The following FAM53B variants were observed in gnomAD, a reference collection of about 807,000 sequenced individuals.
FAM53B encodes protein FAM53B.
Under a neutral mutation model 32.7 loss-of-function variants are expected in FAM53B, and 12 were observed. The ratio of observed to expected loss-of-function variants is 0.37; its 90% CI spans 0.24 to 0.59. The LOEUF (loss-of-function observed/expected upper bound fraction) is 0.59, where lower values mean the gene tolerates loss of function less well. FAM53B is among the 20% of genes least tolerant of loss of function. The pLI, the probability that FAM53B is intolerant of heterozygous loss-of-function variation, is 0.72. For synonymous variants in FAM53B, 234 were observed against 228.7 expected, an observed-to-expected ratio of 1.02 and a Z score of -0.21; for missense variants, 477 against 577.7, an observed-to-expected ratio of 0.83 and a Z score of 1.79.
intron 4 of FAM53B, among the ~76,000 whole-genome samples, chr10:124,653,304 G>A (rs1404952608): frequency 1.4e-4 from 21 of 152,256 alleles, no homozygotes; most frequent in Non-Finnish European, 2.9e-5. Context: ...CAGAAGAGCT[G>A]TGCCTGAGGC....
chr10:124,718,154 A>G (rs1950048121), intron 1 of FAM53B, among the ~76,000 whole-genome samples: 1 of 152,024 alleles, frequency 6.6e-6, no homozygotes, highest in South Asian at 2.1e-4. Context: ...GTCTAAGACT[A>G]TATCACACTG....
intron 4 of FAM53B, among the ~76,000 whole-genome samples, chr10:124,659,800 A>C (rs1221696860): frequency 6.6e-6 from 1 of 152,216 alleles, no homozygotes; most frequent in Non-Finnish European, 1.5e-5. Context: ...GGCCAGAGTC[A>C]ACTTTGCTTT....
At chr10:124,670,191 T>G (rs1031125619) in intron 4 of FAM53B, among the ~76,000 whole-genome samples, 3 of 137,420 alleles carry the variant, frequency 2.2e-5, no homozygotes, top group African/African-American at 7.4e-5. Context: ...CTTGCAGAGG[T>G]GCCTGACTAA....
intron 2 of FAM53B, among the ~76,000 whole-genome samples, chr10:124,696,919 G>A (rs1245856112): frequency 2.6e-5 from 4 of 152,012 alleles, no homozygotes; most frequent in Non-Finnish European, 4.4e-5. Context: ...GATGCCCCCC[G>A]CCTACCCTCA....
At position 124,715,839 on chromosome 10, in the gene FAM53B, C is replaced by T. The variant is rs530560660; in HGVS notation, c.-174-8952G>A. ...TCAGCTATAAGTTAAGGAGGTAACG[C>T]CCTGTAGGTGGGGGCACTACAAAAA... On this transcript the variant is annotated intron_variant, in intron 1 of 4. Transcript: ENST00000337318. Among the ~76,000 whole-genome samples, 5 of 152,332 alleles carry T rather than the reference C, an allele frequency of 3.3e-5. No homozygotes were observed. The East Asian group carries it at 7.7e-4, about 23-fold the overall frequency.
intron 1 of FAM53B, among the ~76,000 whole-genome samples, chr10:124,734,705 A>G (rs1402835345): frequency 6.6e-6 from 1 of 152,198 alleles, no homozygotes; most frequent in Non-Finnish European, 1.5e-5. Context: ...ATGAGTCTTC[A>G]CACTCCATAC....
rs538386803 is a variant in FAM53B, at chr10:124,733,525, GA to G, written c.-175+10487del. 2.6e-4 allele frequency among the ~76,000 whole-genome samples: 38 copies of G among 147,510 alleles called. No individual in the cohort carries two copies. Among genetic ancestry groups the G allele is most frequent in the African/African-American group, 6.9e-4 (28 of 40,306 alleles). Reference sequence around the variant, plus strand: ...TTAGGTGCCTGTTTTTCCCTTTAAAGAAAAAAAAAAGGTAGTTTTACACTGA... The same window carrying G: ...TTAGGTGCCTGTTTTTCCCTTTAAAGAAAAAAAAAGGTAGTTTTACACTGA... On this transcript the variant is annotated intron_variant, in intron 1 of 4. Coordinates refer to ENST00000337318, the MANE Select transcript of FAM53B (RefSeq NM_014661.4). The surrounding 1 kb of genome is among the most constrained non-coding windows in gnomAD (Gnocchi z 4.3).
At chr10:124,698,174 C>T (rs577855785) in intron 2 of FAM53B, among the ~76,000 whole-genome samples, 36 of 152,256 alleles carry the variant, frequency 2.4e-4, no homozygotes, top group African/African-American at 7.9e-4. Context: ...AGGAAATTAC[C>T]CCCTGGGGAA....
chr10:124,712,870 C>G (rs903886599), intron 1 of FAM53B, among the ~76,000 whole-genome samples: 7 of 152,244 alleles, frequency 4.6e-5, no homozygotes, highest in Non-Finnish European at 8.8e-5. Context: ...TCCCATTGAT[C>G]CATGTTTATG....
chr10:124,630,713 G>A (rs1949385792), intron 4 of FAM53B, among the ~76,000 whole-genome samples: 1 of 152,212 alleles, frequency 6.6e-6, no homozygotes, highest in Non-Finnish European at 1.5e-5. Context: ...ATGGCCCAGT[G>A]GGGGTGGTAA....
chr10:124,675,516 C>T (rs138249643), intron 4 of FAM53B, among the ~76,000 whole-genome samples: 85 of 152,290 alleles, frequency 5.6e-4, no homozygotes, highest in African/African-American at 2.0e-3. Flanking sequence ...GAGTGCCAAC[C>T]GTGTGCCAGA....
At position 124,660,229 on chromosome 10, in the gene FAM53B, AC is replaced by A. The variant is rs1341814054; in HGVS notation, c.906+21377del. Among the ~76,000 whole-genome samples, 3 of 152,242 alleles carry A rather than the reference AC, an allele frequency of 2.0e-5. No individual in the cohort carries two copies. In the East Asian group the frequency reaches 5.8e-4, roughly 29 times the overall value. On this transcript the variant is annotated intron_variant, in intron 4 of 4. Coordinates refer to ENST00000337318, the MANE Select transcript of FAM53B (RefSeq NM_014661.4). ...GAGCCCCACCAAAATGCTTCAGGAG[AC>A]AGAGGAAATTGAGGCAGCAAACGAA...
At chr10:124,667,381 C>G in intron 4 of FAM53B, 1 of 767,052 alleles carries the variant, frequency 1.3e-6, no homozygotes, top group Non-Finnish European at 2.4e-6. Context: ...CAGCCACCGC[C>G]TGTAAAATGG....
At chr10:124,689,779 C>T (rs1237790767) in intron 3 of FAM53B, among the ~76,000 whole-genome samples, 1 of 152,224 alleles carries the variant, frequency 6.6e-6, no homozygotes, top group Non-Finnish European at 1.5e-5. Context: ...CAAAAAGATG[C>T]CCAGTGAGAT....
chr10:124,633,537 T>A (rs541433490), intron 4 of FAM53B, among the ~76,000 whole-genome samples: 4 of 152,224 alleles, frequency 2.6e-5, no homozygotes, highest in African/African-American at 9.7e-5. Context: ...GCCCGTACCA[T>A]ATAATATGCC....
chr10:124,743,696 G>T (rs897021017), intron 1 of FAM53B, among the ~76,000 whole-genome samples: 2 of 151,514 alleles, frequency 1.3e-5, no homozygotes, highest in African/African-American at 4.9e-5. Flanking sequence ...GCGCCCGCCC[G>T]CCCTGGCCTG....
At chr10:124,678,689 C>G (rs1326395743) in intron 4 of FAM53B, among the ~76,000 whole-genome samples, 2 of 152,198 alleles carry the variant, frequency 1.3e-5, no homozygotes, top group Non-Finnish European at 2.9e-5. Flanking sequence ...AGTCTACACC[C>G]CAGGGCACTT....
At position 124,744,048 on chromosome 10, in the gene FAM53B, G is replaced by A. The variant is rs1950217671; in HGVS notation, c.-210C>T. The A allele has an allele frequency of 6.8e-6, 1 of 147,262 alleles. No homozygotes were observed. Among genetic ancestry groups the A allele is most frequent in the Non-Finnish European group, 1.5e-5 (1 of 66,112 alleles). The allele number at this position is 147,262 out of a possible 1,614,324, so 9.1% of individuals were successfully genotyped here. ...GGGGCGCTCCGGGCGCGGACCCCGC[G>A]CCGTCACCGCCAGCGCTCGCCAAGT... On this transcript the variant is annotated 5_prime_UTR_variant, in exon 1 of 5. Transcript: ENST00000337318.
chr10:124,728,511 G>A (rs571865364), intron 1 of FAM53B, among the ~76,000 whole-genome samples: 5 of 152,322 alleles, frequency 3.3e-5, no homozygotes, highest in Admixed American at 2.6e-4. Context: ...CCAGCAGATG[G>A]AAGAGACAAT....
Sources: gnomAD v4.1 joint callset for allele counts (sites outside exome capture counted in the v4.1 genomes callset) on GRCh38, gnomAD v4.1.1 for gene constraint, Gnocchi (gnomAD v3.1) non-coding constraint, MANE v1.5 for transcripts, NCBI Gene and HGNC (gene_info 2026-07-23, HGNC 2026-07-21) for gene names.